The following PTPN1 variants were observed in gnomAD, a reference collection of about 807,000 sequenced individuals.
The protein encoded by PTPN1 is tyrosine-protein phosphatase non-receptor type 1.
Under a neutral mutation model 59.9 loss-of-function variants are expected in PTPN1, and 12 were observed. The ratio of observed to expected loss-of-function variants is 0.20; its 90% CI spans 0.13 to 0.32. The LOEUF (loss-of-function observed/expected upper bound fraction) is 0.32, where lower values mean the gene tolerates loss of function less well. PTPN1 is among the 10% of genes least tolerant of loss of function. The pLI is 1.00. For missense variants in PTPN1, 356 were observed against 549.2 expected (o/e 0.65, Z 3.52); for synonymous variants, 178 against 203.6 (o/e 0.87, Z 1.07).
chr20:50,521,912 T>C (rs566838175), intron 1 of PTPN1, among the ~76,000 whole-genome samples: 1 of 152,354 alleles, frequency 6.6e-6, no homozygotes, highest in South Asian at 2.1e-4. Context: ...AGTCCCACAG[T>C]GGGTCACACT....
chr20:50,533,697 C>A (rs111649385), intron 1 of PTPN1, among the ~76,000 whole-genome samples: 40 of 152,182 alleles, frequency 2.6e-4, no homozygotes, highest in African/African-American at 9.2e-4. Context: ...CTTGCCCCCC[C>A]CCAGAAAGGA....
At chr20:50,565,347 G>A (rs1406864158) in intron 3 of PTPN1, among the ~76,000 whole-genome samples, 1 of 152,242 alleles carries the variant, frequency 6.6e-6, no homozygotes, top group African/African-American at 2.4e-5. Context: ...TCTGTTGGCA[G>A]AGACAGCAGA....
At chr20:50,578,213 C>T (rs188321384) in intron 5 of PTPN1, among the ~76,000 whole-genome samples, 6 of 152,240 alleles carry the variant, frequency 3.9e-5, no homozygotes, top group South Asian at 2.1e-4. Flanking sequence ...TCTAAGCAGG[C>T]GCACCCTGCA....
At chr20:50,539,741 A>T (rs2082641130) in intron 1 of PTPN1, among the ~76,000 whole-genome samples, 1 of 147,818 alleles carries the variant, frequency 6.8e-6, no homozygotes, top group Non-Finnish European at 1.5e-5. Flanking sequence ...TGAAGTTTTG[A>T]ACTCCTGGGC....
At chr20:50,563,443 A>G (rs1056631666) in intron 2 of PTPN1, among the ~76,000 whole-genome samples, 1 of 152,228 alleles carries the variant, frequency 6.6e-6, no homozygotes, top group Non-Finnish European at 1.5e-5. Context: ...TAGCAAATGA[A>G]AAAACCAAGG....
In PTPN1 at chr20:50,574,286, C is replaced by T. The variant is rs146825840; in HGVS notation, c.355-231C>T. On this transcript the variant is annotated intron_variant, in intron 4 of 9. Transcript: ENST00000371621. ...CCGTTGCCACGTTTGACCGGGGAGC[C>T]GATGGGTTTGGAAGTCTGAGCCCTG... is the stretch of plus-strand genomic sequence containing the variant. 471 of 476,026 alleles carry T rather than the reference C, an allele frequency of 9.9e-4. 5 individuals are homozygous for T. In the East Asian group the frequency reaches 0.013, roughly 13 times the overall value. The allele number at this position is 476,026 out of a possible 1,614,324, so 29.5% of individuals were successfully genotyped here. A position where few individuals can be genotyped will look rare whatever the true frequency, so the allele number is the denominator to read the frequency against.
intron 1 of PTPN1, among the ~76,000 whole-genome samples, chr20:50,557,019 C>G (rs2082728968): frequency 6.6e-6 from 1 of 152,096 alleles, no homozygotes; most frequent in South Asian, 2.1e-4. Context: ...TCAAAAGAAG[C>G]AGATGAAATT....
chr20:50,579,455 A>C, intron 7 of PTPN1, 126 bp downstream of exon 7: 1 of 1,195,328 alleles, frequency 8.4e-7, no homozygotes, highest in Non-Finnish European at 1.2e-6. Flanking sequence ...CTTCATGTTT[A>C]AAATAGCTAG....
At chr20:50,522,066 A>C (rs574498249) in intron 1 of PTPN1, among the ~76,000 whole-genome samples, 190 of 152,326 alleles carry the variant, frequency 1.2e-3, no homozygotes, top group African/African-American at 4.4e-3. Flanking sequence ...AATTGAAGCA[A>C]AGGGCTAAAG....
chr20:50,537,945 G>T (rs914746885), intron 1 of PTPN1, among the ~76,000 whole-genome samples: 1 of 152,122 alleles, frequency 6.6e-6, no homozygotes, highest in Admixed American at 6.6e-5. Context: ...GAATAAACAT[G>T]GGGAAAGTTC....
chr20:50,546,069 G>A (rs1225417413), intron 1 of PTPN1, among the ~76,000 whole-genome samples: 1 of 152,124 alleles, frequency 6.6e-6, no homozygotes, highest in Admixed American at 6.5e-5. Flanking sequence ...ATTAAAAAAA[G>A]TGATTAGATC....
intron 5 of PTPN1, among the ~76,000 whole-genome samples, chr20:50,575,948 ATAG>A (rs2082834779): frequency 6.6e-6 from 1 of 152,190 alleles, no homozygotes; most frequent in South Asian, 2.1e-4. Flanking sequence ...AATAAAAAAA[ATAG>A]TAGAAGTAAG....
intron 5 of PTPN1, among the ~76,000 whole-genome samples, chr20:50,575,189 T>C (rs1469615899): frequency 1.3e-5 from 2 of 152,228 alleles, no homozygotes; most frequent in African/African-American, 4.8e-5. Flanking sequence ...GCACTGCCGC[T>C]GAACGCGCTG....
At chr20:50,566,813 TGG>T (rs2082781366) in intron 3 of PTPN1, among the ~76,000 whole-genome samples, 1 of 152,062 alleles carries the variant, frequency 6.6e-6, no homozygotes, top group Admixed American at 6.5e-5. Context: ...GGGGTGGTGC[TGG>T]GAGTTAGGGA....
chr20:50,512,753 C>CA (rs2082512928), intron 1 of PTPN1, among the ~76,000 whole-genome samples: 1 of 152,170 alleles, frequency 6.6e-6, no homozygotes, highest in Non-Finnish European at 1.5e-5. Flanking sequence ...TTTTCTGAAA[C>CA]AGAGTTCAGA....
chr20:50,545,623 C>T (rs1370868231), intron 1 of PTPN1, among the ~76,000 whole-genome samples: 1 of 152,150 alleles, frequency 6.6e-6, no homozygotes, highest in Non-Finnish European at 1.5e-5. Flanking sequence ...TTCTTAGGCA[C>T]ATTTCAGTGC....
intron 1 of PTPN1, among the ~76,000 whole-genome samples, chr20:50,555,791 A>C (rs1457002537): frequency 1.3e-5 from 2 of 151,892 alleles, no homozygotes; most frequent in Non-Finnish European, 2.9e-5. Flanking sequence ...ACATATGCAT[A>C]ATCCTTTTGG....
At chr20:50,574,691 A>G (rs1885177) in intron 5 of PTPN1, 37 bp downstream of exon 5, 2 of 1,566,180 alleles carry the variant, frequency 1.3e-6, no homozygotes, top group Non-Finnish European at 1.7e-6. Flanking sequence ...TCAGGCGGCT[A>G]CTGGTTCACA....
chr20:50,575,651 C>T (rs1368311261), intron 5 of PTPN1, among the ~76,000 whole-genome samples: 2 of 152,140 alleles, frequency 1.3e-5, no homozygotes, highest in East Asian at 1.9e-4. Flanking sequence ...AAGCCAGGTG[C>T]GGTGGCTCAC....
Sources: gnomAD v4.1 joint callset for allele counts (sites outside exome capture counted in the v4.1 genomes callset) on GRCh38, gnomAD v4.1.1 for gene constraint, MANE v1.5 for transcripts, NCBI Gene and HGNC (gene_info 2026-07-23, HGNC 2026-07-21) for gene names.